FHIT: variants seen among roughly 807,000 people sequenced by gnomAD.
FHIT encodes the protein fragile histidine triad diadenosine triphosphatase.
FHIT carries 19 observed loss-of-function variants against 17.9 expected under a neutral mutation model. The ratio of observed to expected loss-of-function variants is 1.06; its 90% confidence interval spans 0.74 to 1.56. The LOEUF is 1.56. Ranked by LOEUF, FHIT falls within the 40% of genes most tolerant of loss-of-function variation. The probability of loss-of-function intolerance (pLI) is 0.00; values close to 1 mark genes in which losing one functional copy is unlikely to be tolerated. For missense variants in FHIT, 248 were observed against 189.2 expected (o/e 1.31, Z -1.82); for synonymous variants, 81 against 69.7 (o/e 1.16, Z -0.81).
At chr3:60,758,825 C>G (rs1364061835) in intron 4 of FHIT, among the ~76,000 whole-genome samples, 1 of 152,120 alleles carries the variant, frequency 6.6e-6, no homozygotes, top group Non-Finnish European at 1.5e-5. Context: ...AAATAAACAA[C>G]TCAATGATAT....
chr3:59,888,369 G>A (rs1360714074), intron 8 of FHIT, among the ~76,000 whole-genome samples: 1 of 152,178 alleles, frequency 6.6e-6, no homozygotes, highest in African/African-American at 2.4e-5. Context: ...CATTGCATGT[G>A]ATACTGAAAC....
intron 8 of FHIT, among the ~76,000 whole-genome samples, chr3:59,883,747 A>G (rs548684220): frequency 9.8e-5 from 15 of 152,350 alleles, no homozygotes; most frequent in African/African-American, 3.1e-4. Flanking sequence ...ATTCAGCCAT[A>G]TGAACTGGAA....
chr3:60,164,510 T>G (rs1382892497), intron 5 of FHIT, among the ~76,000 whole-genome samples: 1 of 152,110 alleles, frequency 6.6e-6, no homozygotes, highest in Non-Finnish European at 1.5e-5. Context: ...ACAAGTTTAT[T>G]AAGACACAGA....
intron 5 of FHIT, among the ~76,000 whole-genome samples, chr3:60,161,706 A>G (rs143153527): frequency 2.0e-4 from 31 of 152,276 alleles, no homozygotes; most frequent in African/African-American, 6.7e-4. Flanking sequence ...CAGAACCAAC[A>G]GAAGCAGCAG....
chr3:60,238,308 T>C (rs1387104407), intron 5 of FHIT, among the ~76,000 whole-genome samples: 1 of 151,928 alleles, frequency 6.6e-6, no homozygotes, highest in East Asian at 1.9e-4. Context: ...TATAGGTGAA[T>C]GGCTACTGTA....
chr3:60,522,056 G>A (rs2035389483), intron 5 of FHIT, among the ~76,000 whole-genome samples: 1 of 150,624 alleles, frequency 6.6e-6, no homozygotes, highest in South Asian at 2.1e-4. Context: ...GAAGGTCAGA[G>A]GAATGTCAGA....
At chr3:60,037,862 T>C (rs1287001681) in intron 5 of FHIT, among the ~76,000 whole-genome samples, 1 of 151,802 alleles carries the variant, frequency 6.6e-6, no homozygotes, top group Non-Finnish European at 1.5e-5. Flanking sequence ...TACAGGTGCA[T>C]ACTGCCATGC....
At chr3:60,598,669 C>T (rs1446707984) in intron 4 of FHIT, among the ~76,000 whole-genome samples, 4 of 152,148 alleles carry the variant, frequency 2.6e-5, no homozygotes, top group African/African-American at 7.2e-5. Context: ...AGTCAAATTT[C>T]GCTTTGCTTA....
intron 4 of FHIT, among the ~76,000 whole-genome samples, chr3:60,605,682 CAACT>C (rs1365952375): frequency 1.3e-5 from 2 of 152,116 alleles, no homozygotes; most frequent in East Asian, 1.9e-4. Flanking sequence ...GTAATGGAAA[CAACT>C]AACATCATAT....
At chr3:60,182,644 A>G (rs368566391) in intron 5 of FHIT, among the ~76,000 whole-genome samples, 9 of 152,044 alleles carry the variant, frequency 5.9e-5, no homozygotes, top group African/African-American at 2.2e-4. Context: ...AAAGTCAGGC[A>G]CAGCAGCACA....
At chr3:60,857,275 G>A (rs1462069464) in intron 3 of FHIT, among the ~76,000 whole-genome samples, 16 of 151,988 alleles carry the variant, frequency 1.1e-4, no homozygotes, top group Non-Finnish European at 2.2e-4. Context: ...TAATGGCTGG[G>A]GTATACCTTT....
At chr3:59,888,086 C>T (rs1291467029) in intron 8 of FHIT, among the ~76,000 whole-genome samples, 1 of 152,064 alleles carries the variant, frequency 6.6e-6, no homozygotes, top group Non-Finnish European at 1.5e-5. Context: ...CCAATTTGTT[C>T]CCTGAGGATT....
intron 5 of FHIT, among the ~76,000 whole-genome samples, chr3:60,297,787 C>G (rs977714225): frequency 1.3e-5 from 2 of 151,964 alleles, no homozygotes; most frequent in Non-Finnish European, 2.9e-5. Context: ...ACTGGGTATC[C>G]TAGAATTCAA....
At chr3:60,286,034 G>T (rs112890976) in intron 5 of FHIT, among the ~76,000 whole-genome samples, 3 of 152,216 alleles carry the variant, frequency 2.0e-5, no homozygotes, top group African/African-American at 7.2e-5. Flanking sequence ...GGTGTAGAGG[G>T]GGAGGAAGCA....
intron 3 of FHIT, among the ~76,000 whole-genome samples, chr3:60,922,610 A>G (rs1307573489): frequency 1.3e-5 from 2 of 152,168 alleles, no homozygotes; most frequent in Admixed American, 6.5e-5. Flanking sequence ...TATCTGCTCA[A>G]ATTTTTAAAA....
At chr3:60,135,056 G>A (rs994429307) in intron 5 of FHIT, among the ~76,000 whole-genome samples, 1 of 152,084 alleles carries the variant, frequency 6.6e-6, no homozygotes, top group African/African-American at 2.4e-5. Flanking sequence ...GCTGAGAATG[G>A]AGGAGGAATC....
At chr3:60,495,643 T>C (rs2034271514) in intron 5 of FHIT, among the ~76,000 whole-genome samples, 1 of 152,132 alleles carries the variant, frequency 6.6e-6, no homozygotes, top group South Asian at 2.1e-4. Flanking sequence ...CATCAGTATG[T>C]CAAATTTCCA....
intron 5 of FHIT, among the ~76,000 whole-genome samples, chr3:60,390,739 A>C (rs1026863650): frequency 3.3e-5 from 5 of 152,138 alleles, no homozygotes; most frequent in African/African-American, 4.8e-5. Flanking sequence ...AAGAAAAAAA[A>C]CAAAATCTAA....
intron 5 of FHIT, among the ~76,000 whole-genome samples, chr3:60,197,506 T>C (rs1295851842): frequency 1.3e-5 from 2 of 152,118 alleles, no homozygotes; most frequent in African/African-American, 2.4e-5. Flanking sequence ...GAAAACAAAA[T>C]GAGTTGAGCT....
Sources: allele counts gnomAD v4.1 joint callset (sites outside exome capture counted in the v4.1 genomes callset), GRCh38; gene constraint gnomAD v4.1.1; transcripts MANE v1.5; gene names NCBI Gene and HGNC (gene_info 2026-07-23, HGNC 2026-07-21).